Variants in XKR6 observed in about 807,000 individuals in gnomAD.
The protein encoded by XKR6 is XK-related protein 6.
XKR6 carries 22 observed loss-of-function variants against 56.7 expected under a neutral mutation model. The ratio of observed to expected loss-of-function variants is 0.39; its 90% confidence interval spans 0.28 to 0.55. The LOEUF (loss-of-function observed/expected upper bound fraction) is 0.55. XKR6 is among the 20% of genes least tolerant of loss of function. The pLI, the probability that XKR6 is intolerant of heterozygous loss-of-function variation, is 0.66. For synonymous variants in XKR6, 524 were observed against 387.8 expected, an observed-to-expected ratio of 1.35 and a Z score of -4.13; for missense variants, 852 against 889.0, an observed-to-expected ratio of 0.96 and a Z score of 0.53.
In XKR6 at chr8:11,120,562, C is replaced by A. The variant is rs1799401227; in HGVS notation, c.764+80014G>T. Among the ~76,000 whole-genome samples the A allele has an allele frequency of 4.6e-5, 7 of 152,228 alleles. 1 individual carries two copies. The South Asian group carries it at 1.5e-3, about 32-fold the overall frequency. On this transcript the variant is annotated intron_variant, in intron 1 of 2. Transcript: ENST00000416569. ...GGATACAAACAAATGGAAGAACATT[C>A]CATGCTCATGGGTAGGAAGAATCAA...
At chr8:10,974,419 C>T (rs1802493835) in intron 1 of XKR6, among the ~76,000 whole-genome samples, 1 of 152,174 alleles carries the variant, frequency 6.6e-6, no homozygotes, top group African/African-American at 2.4e-5. Context: ...GAGTTGAAAC[C>T]ACCCGCTCAG....
At chr8:10,916,537 G>C (rs778552286) in intron 2 of XKR6, among the ~76,000 whole-genome samples, 1 of 152,208 alleles carries the variant, frequency 6.6e-6, no homozygotes, top group Non-Finnish European at 1.5e-5. Flanking sequence ...AGGAAAGAGA[G>C]GAGGCCATTC....
At chr8:11,111,204 C>T (rs1798874720) in intron 1 of XKR6, among the ~76,000 whole-genome samples, 1 of 152,036 alleles carries the variant, frequency 6.6e-6, no homozygotes, top group African/African-American at 2.4e-5. Flanking sequence ...ATTAAAGTTT[C>T]TGTCCTTCTC....
intron 1 of XKR6, among the ~76,000 whole-genome samples, chr8:11,077,921 G>A (rs929603488): frequency 7.2e-5 from 11 of 152,110 alleles, no homozygotes; most frequent in Admixed American, 6.5e-4. Context: ...CAGCCTCCCG[G>A]TGTCTACCTG....
intron 1 of XKR6, among the ~76,000 whole-genome samples, chr8:11,143,326 A>G (rs909801931): frequency 1.3e-5 from 2 of 152,240 alleles, no homozygotes; most frequent in Admixed American, 6.5e-5. Flanking sequence ...TGACATGGCA[A>G]GACCAAGTCC....
chr8:10,919,801 G>A (rs778926100), intron 2 of XKR6, among the ~76,000 whole-genome samples: 3 of 152,108 alleles, frequency 2.0e-5, no homozygotes, highest in East Asian at 1.9e-4. Flanking sequence ...ACTCACCACC[G>A]GCATAAATGT....
At chr8:10,987,000 G>A (rs114732284) in intron 1 of XKR6, among the ~76,000 whole-genome samples, 2,630 of 152,052 alleles carry the variant, frequency 0.017, 34 homozygotes, top group African/African-American at 0.042. Flanking sequence ...ACGTTGCACA[G>A]GCTGGTCTTG....
At chr8:10,992,316 C>T (rs138064087) in intron 1 of XKR6, among the ~76,000 whole-genome samples, 112 of 152,168 alleles carry the variant, frequency 7.4e-4, no homozygotes, top group African/African-American at 2.3e-3. Flanking sequence ...CATTCACACA[C>T]CAGAGACCAA....
intron 1 of XKR6, among the ~76,000 whole-genome samples, chr8:10,956,369 A>G (rs1801887987): frequency 6.6e-6 from 1 of 152,102 alleles, no homozygotes; most frequent in South Asian, 2.1e-4. Context: ...CCAGGCGTCT[A>G]TCCCTGGGCC....
At chr8:10,899,877 T>C (rs1799986235) in intron 2 of XKR6, among the ~76,000 whole-genome samples, 1 of 152,178 alleles carries the variant, frequency 6.6e-6, no homozygotes, top group African/African-American at 2.4e-5. Context: ...CTACTTGATA[T>C]TTGCAAGTAA....
At chr8:11,028,635 A>T (rs935118049) in intron 1 of XKR6, among the ~76,000 whole-genome samples, 6 of 152,206 alleles carry the variant, frequency 3.9e-5, no homozygotes, top group Non-Finnish European at 7.3e-5. Flanking sequence ...GCCAGACCCC[A>T]GCCATCCAAT....
chr8:11,108,988 T>C (rs1798788930), intron 1 of XKR6: 1 of 152,332 alleles, frequency 6.6e-6, no homozygotes, highest in Admixed American at 6.5e-5. Flanking sequence ...ATGTATTTAG[T>C]GCACCTGAAC....
chr8:11,189,085 C>G (rs1212508341), intron 1 of XKR6, among the ~76,000 whole-genome samples: 1 of 152,218 alleles, frequency 6.6e-6, no homozygotes, highest in Non-Finnish European at 1.5e-5. Context: ...CTGCTCCCTT[C>G]TTTCCTGTCT....
At chr8:10,902,068 A>G (rs952038591) in intron 2 of XKR6, among the ~76,000 whole-genome samples, 30 of 152,132 alleles carry the variant, frequency 2.0e-4, no homozygotes, top group African/African-American at 6.8e-4. Context: ...CCTTCATGGC[A>G]GTGGTGCTGA....
intron 1 of XKR6, among the ~76,000 whole-genome samples, chr8:11,162,669 T>G: frequency 6.6e-6 from 1 of 152,244 alleles, no homozygotes; most frequent in East Asian, 1.9e-4. Context: ...ACAGTCCAAC[T>G]TCTGACTTTC....
chr8:11,064,420 C>T (rs1415210015), intron 1 of XKR6, among the ~76,000 whole-genome samples: 1 of 150,290 alleles, frequency 6.7e-6, no homozygotes, highest in African/African-American at 2.5e-5. Flanking sequence ...CACATAGTTC[C>T]TAATCCGTTA....
rs143528757 is a variant in XKR6 at position 10,958,677 on chromosome 8, C to T, written c.765-33847G>A. ...GGAGCCTGGACTCAGCCTGGGCCGC[C>T]CGCTGATGGAGGCAGTGGCCATTTT... On this transcript the variant is annotated intron_variant, in intron 1 of 2. Transcript: ENST00000416569. 5.5e-3 allele frequency among the ~76,000 whole-genome samples: 843 copies of T among 152,354 alleles called. 10 individuals carry two copies. The highest frequency in any genetic ancestry group is 0.019 in the African/African-American group (780 of 41,582).
chr8:10,984,499 T>C (rs1370849810), intron 1 of XKR6, among the ~76,000 whole-genome samples: 1 of 151,642 alleles, frequency 6.6e-6, no homozygotes, highest in African/African-American at 2.4e-5. Flanking sequence ...AAAGAAAGAA[T>C]TATAAAAATT....
chr8:11,005,210 G>A (rs1798338318), intron 1 of XKR6, among the ~76,000 whole-genome samples: 1 of 151,966 alleles, frequency 6.6e-6, no homozygotes, highest in South Asian at 2.1e-4. Context: ...AATGACGCAA[G>A]ATTTCATCAT....
Sources: allele counts gnomAD v4.1 joint callset (sites outside exome capture counted in the v4.1 genomes callset), GRCh38; gene constraint gnomAD v4.1.1; transcripts MANE v1.5; gene names NCBI Gene and HGNC (gene_info 2026-07-23, HGNC 2026-07-21).